The following SYNE1 variants were observed in gnomAD, a reference collection of about 807,000 sequenced individuals.
SYNE1 encodes the protein nesprin-1.
A neutral mutation model predicts 1,111.0 loss-of-function variants in SYNE1; 616 were observed. The observed-to-expected ratio is 0.55, with a 90% CI of 0.52 to 0.59. The LOEUF is 0.59. Among genes scored for constraint, SYNE1 ranks in the 20% least tolerant of loss-of-function variants. The probability of loss-of-function intolerance (pLI) is 0.00; values close to 1 mark genes in which losing one functional copy is unlikely to be tolerated. For missense variants in SYNE1, 10,006 were observed against 10,417.0 expected (o/e 0.96, Z 1.72); for synonymous variants, 3,855 against 3,825.8 (o/e 1.01, Z -0.28).
chr6:152,455,922 T>C lies in SYNE1; in HGVS notation c.2691A>G (p.Leu897=), dbSNP rs760809647. 3 of 1,614,140 alleles carry C rather than the reference T, an allele frequency of 1.9e-6. No individual in the cohort carries two copies. Among genetic ancestry groups the C allele is most frequent in the Non-Finnish European group, 2.5e-6 (3 of 1,179,986 alleles). ...CATGAATATCTGCAATCTGTCTTTG[T>C]AGCCTCGTCTGATCAAAATGCTTTA... ...NVLKHFDQTR[L]QRQIADIHVA... Residue 897 remains leucine, a synonymous_variant, in exon 23 of 146, where the codon CTA becomes CTG. Transcript: ENST00000367255.
rs551794638 is a variant in SYNE1 at position 152,301,726 on chromosome 6, A to T, written c.17541+143T>A. 116 of 896,812 alleles carry T rather than the reference A, an allele frequency of 1.3e-4. 1 individual carries two copies. The highest frequency in any genetic ancestry group is 1.1e-3 in the South Asian group (63 of 54,788). 55.6% of individuals were successfully genotyped at this position (896,812 alleles called of 1,614,324 possible). ...GATTGGCCCGGCCCAACGGTAGTCA[A>T]AGAGACTTAAGGAATCTGTTCCTCC... On this transcript the variant is annotated intron_variant, in intron 92 of 145. Transcript: ENST00000367255.
intron 44 of SYNE1, among the ~76,000 whole-genome samples, chr6:152,408,008 C>T (rs996660391): frequency 3.9e-5 from 6 of 152,038 alleles, no homozygotes. Context: ...AGTGATCTGC[C>T]CACCTCGGTC....
At position 152,236,184 on chromosome 6, in the gene SYNE1, T is replaced by C. The variant is rs2083994130; in HGVS notation, c.20319A>G (p.Gly6773=). ...TATTGGTGTTACTTAGCCAGCACTCTCCAAGTTGATTTAGTTGGCTTTCTA... is the reference window on the plus strand; with the variant it reads ...TATTGGTGTTACTTAGCCAGCACTCCCCAAGTTGATTTAGTTGGCTTTCTA... ...SDLESQLNQL[G]ECWLSNTNKM... is the part of the protein sequence containing the mutation. Residue 6773 remains glycine, a synonymous_variant, in exon 110 of 146, where the codon GGA becomes GGG. Transcript: ENST00000367255. 3.7e-6 allele frequency: 6 copies of C among 1,614,100 alleles called. No individual in the cohort carries two copies. The highest frequency in any genetic ancestry group is 3.3e-5 in the South Asian group (3 of 91,090).
chr6:152,214,371 T>C (rs2153435709), intron 122 of SYNE1, among the ~76,000 whole-genome samples: 1 of 152,316 alleles, frequency 6.6e-6, no homozygotes, highest in African/African-American at 2.4e-5. Context: ...AATTTGAATT[T>C]CCCACTTTTA....
intron 3 of SYNE1, 31 bp from the exon 4 acceptor site, chr6:152,540,052 T>G: frequency 6.2e-7 from 1 of 1,602,174 alleles, no homozygotes; most frequent in Non-Finnish European, 8.6e-7. Context: ...GGTTAAATAA[T>G]GTAATATTTC....
chr6:152,211,422 A>C (rs1042857875), intron 124 of SYNE1, 72 bp downstream of exon 124: 2 of 1,307,026 alleles, frequency 1.5e-6, no homozygotes, highest in Non-Finnish European at 2.2e-6. Flanking sequence ...TATGCCCTCC[A>C]ATCTGCTCAT....
At chr6:152,605,027 AGAGAGAGAGGGAGG>A (rs1195255003) in intron 3 of SYNE1, among the ~76,000 whole-genome samples, 43 of 67,732 alleles carry the variant, frequency 6.3e-4, no homozygotes, top group African/African-American at 9.3e-4. Context: ...AGAGAGAGAG[AGAGAGAGAGGGAGG>A]GAGGGAGGGA....
At chr6:152,417,068 A>G in intron 40 of SYNE1, 53 bp from the exon 41 acceptor site, 1 of 1,608,196 alleles carries the variant, frequency 6.2e-7, no homozygotes, top group East Asian at 2.2e-5. Flanking sequence ...AGTCTATGGC[A>G]GAGGTATTTT....
intron 128 of SYNE1, among the ~76,000 whole-genome samples, chr6:152,182,072 A>T (rs752019362): frequency 6.6e-6 from 1 of 152,174 alleles, no homozygotes; most frequent in Non-Finnish European, 1.5e-5. Context: ...ATCTACTCAA[A>T]TCCGTTGCCT....
rs2099273121 is a variant in SYNE1, at chr6:152,541,996, AC to A, written c.68-1976del. ...AAAAGCCACACAGAAGTAGTTTAAT[AC>A]CTTCAAAAGAAGAATTGAATTTTAT... On this transcript the variant is annotated intron_variant, in intron 3 of 145. Coordinates refer to ENST00000367255, the MANE Select transcript of SYNE1 (RefSeq NM_182961.4). Among the ~76,000 whole-genome samples the A allele has an allele frequency of 2.0e-5, 3 of 152,270 alleles. No individual in the cohort carries two copies. The South Asian group carries it at 6.2e-4, about 32-fold the overall frequency.
Position 152,330,801 on chromosome 6 carries a change from G to T in SYNE1, c.13884C>A (p.Thr4628=), listed in dbSNP as rs2096229863. The T allele has an allele frequency of 1.6e-5, 26 of 1,613,826 alleles. No homozygotes were observed. The highest frequency in any genetic ancestry group is 2.2e-5 in the Non-Finnish European group (26 of 1,180,038). ...CGACTTCATTCAGCGATGGTAATAT[G>T]GTCTGCCCAGTTCTCTGCAGCGTAA... The part of the protein sequence containing the change: ...LLLTLQRTGQ[T]ILPSLNEVDH... The change falls in exon 78 of 146, where the codon ACC becomes ACA. Residue 4628 remains threonine (T), a synonymous_variant. Coordinates refer to ENST00000367255, the MANE Select transcript of SYNE1 (RefSeq NM_182961.4).
intron 32 of SYNE1, among the ~76,000 whole-genome samples, chr6:152,438,004 ACT>A (rs2154218562): frequency 6.6e-6 from 1 of 152,144 alleles, no homozygotes; most frequent in Non-Finnish European, 1.5e-5. Context: ...ACAGAGTGAG[ACT>A]CTGTCTCAAA....
chr6:152,263,344 C>A (rs1270697999), intron 100 of SYNE1, among the ~76,000 whole-genome samples: 1 of 152,004 alleles, frequency 6.6e-6, no homozygotes, highest in African/African-American at 2.4e-5. Context: ...GCAGTGTCAT[C>A]CTTAAAGGTA....
Position 152,148,122 on chromosome 6 carries a change from G to T in SYNE1, c.24899C>A (p.Ser8300Tyr), listed in dbSNP as rs373946496. 5 of 1,614,166 alleles carry T rather than the reference G, an allele frequency of 3.1e-6. No homozygotes were observed. The highest frequency in any genetic ancestry group is 4.2e-6 in the Non-Finnish European group (5 of 1,180,024). Residue 8300 changes from serine to tyrosine, a missense_variant, in exon 137 of 146, where the codon TCC (serine) becomes TAC (tyrosine). This residue lies in a region of SYNE1 where 761 missense variants were observed against 795.5 expected (regional missense o/e 0.96). Coordinates refer to ENST00000367255, the MANE Select transcript of SYNE1 (RefSeq NM_182961.4). The surrounding 1 kb of genome is among the most constrained non-coding windows in gnomAD (Gnocchi z 4.1). Reference sequence around the variant, plus strand: ...TTCATCCTCAGAGGGCAGAGCTCTGGACATTGCAGACTCCAGGTCCCGACT... The same window carrying T: ...TTCATCCTCAGAGGGCAGAGCTCTGTACATTGCAGACTCCAGGTCCCGACT... The part of the protein sequence containing the change: ...DLSRDLESAM[S>Y]RALPSEDEEG...
At chr6:152,232,573 A>G (rs1478821213) in intron 112 of SYNE1, among the ~76,000 whole-genome samples, 2 of 152,206 alleles carry the variant, frequency 1.3e-5, no homozygotes, top group Non-Finnish European at 2.9e-5. Flanking sequence ...TATGAGTCTA[A>G]AAAAACTTAA....
rs1256510756 is a variant in SYNE1 at position 152,433,816 on chromosome 6, G to A, written c.4440C>T (p.Asp1480=). Residue 1480 remains aspartate (D), a synonymous_variant, in exon 34 of 146, where the codon GAC becomes GAT. Transcript: ENST00000367255. ...NALETSSSAM[D]MQISQIKVTI... is the part of the protein sequence containing the mutation. The stretch of plus-strand genomic sequence containing the variant: ...TCACCTTAATTTGGCTGATTTGCAT[G>A]TCCATGGCAGATGACGAAGTTTCCA... 6.2e-7 allele frequency: 1 copy of A among 1,613,816 alleles called. No homozygotes were observed. Among genetic ancestry groups the A allele is most frequent in the Non-Finnish European group, 8.5e-7 (1 of 1,179,772 alleles).
chr6:152,323,811 CCA>C (rs1361787107), intron 81 of SYNE1, 74 bp from the exon 82 acceptor site: 1 of 1,535,072 alleles, frequency 6.5e-7, no homozygotes, highest in Non-Finnish European at 8.9e-7. Flanking sequence ...CCCATAAAAG[CCA>C]CACACTAGTG....
chr6:152,461,569 C>G (rs750381253), intron 21 of SYNE1, 28 bp downstream of exon 21: 1 of 1,613,552 alleles, frequency 6.2e-7, no homozygotes, highest in African/African-American at 1.3e-5. Context: ...TGTCACACAG[C>G]CTATTGTGCA....
At chr6:152,258,713 A>C (rs1305573104) in intron 101 of SYNE1, among the ~76,000 whole-genome samples, 2 of 151,744 alleles carry the variant, frequency 1.3e-5, no homozygotes, top group Non-Finnish European at 2.9e-5. Context: ...CCATGTTTTC[A>C]ATCAAACTCA....
Sources: gnomAD v4.1 joint callset for allele counts (sites outside exome capture counted in the v4.1 genomes callset) on GRCh38, gnomAD v4.1.1 for gene constraint, gnomAD v4.1.1 regional missense constraint, Gnocchi (gnomAD v3.1) non-coding constraint, MANE v1.5 for transcripts, NCBI Gene and HGNC (gene_info 2026-07-23, HGNC 2026-07-21) for gene names.